Variants in ABL2 observed in about 807,000 individuals in gnomAD.
ABL2 encodes the protein ABL proto-oncogene 2, non-receptor tyrosine kinase.
Under a neutral mutation model 107.7 loss-of-function variants are expected in ABL2, and 49 were observed. That is an observed-to-expected ratio of 0.45 (90% confidence interval 0.36 to 0.58). The LOEUF (loss-of-function observed/expected upper bound fraction) is 0.58. Ranked by LOEUF, ABL2 falls within the 20% of genes least tolerant of loss-of-function variation. The probability of loss-of-function intolerance (pLI) is 0.00; values close to 1 mark genes in which losing one functional copy is unlikely to be tolerated. For synonymous variants in ABL2, 549 were observed against 548.6 expected (o/e 1.00, Z -0.01); for missense variants, 1,245 against 1,457.0 (o/e 0.85, Z 2.37).
At chr1:179,212,122 G>T (rs1277503598) in intron 1 of ABL2, among the ~76,000 whole-genome samples, 1 of 152,130 alleles carries the variant, frequency 6.6e-6, no homozygotes, top group African/African-American at 2.4e-5. Context: ...CCAAGTGAAG[G>T]GGAAAGCCCC....
chr1:179,160,086 C>G (rs1658970758), intron 1 of ABL2, among the ~76,000 whole-genome samples: 1 of 152,090 alleles, frequency 6.6e-6, no homozygotes. Context: ...TGCACGCCAG[C>G]CTGGGTGACA....
chr1:179,110,954 C>G, intron 10 of ABL2: 1 of 1,234,172 alleles, frequency 8.1e-7, no homozygotes, highest in Non-Finnish European at 1.1e-6. Context: ...TGCATGCTTG[C>G]TAAAATTTGA....
At chr1:179,197,755 G>A (rs183397229) in intron 1 of ABL2, among the ~76,000 whole-genome samples, 1 of 151,800 alleles carries the variant, frequency 6.6e-6, no homozygotes, top group African/African-American at 2.4e-5. Flanking sequence ...TGTAGTCCCA[G>A]CTAATCGGGA....
chr1:179,115,840 T>G (rs1366528284), intron 8 of ABL2, among the ~76,000 whole-genome samples: 1 of 152,242 alleles, frequency 6.6e-6, no homozygotes, highest in Admixed American at 6.5e-5. Context: ...TTTGATTTTG[T>G]CTCAGTTATT....
intron 1 of ABL2, among the ~76,000 whole-genome samples, chr1:179,152,110 C>T (rs949656851): frequency 7.9e-5 from 12 of 152,150 alleles, no homozygotes; most frequent in African/African-American, 2.9e-4. Flanking sequence ...ATGTGGAAAC[C>T]TGGGTAGGCT....
At chr1:179,189,395 A>G (rs1230742801) in intron 1 of ABL2, among the ~76,000 whole-genome samples, 2 of 152,108 alleles carry the variant, frequency 1.3e-5, no homozygotes, top group Non-Finnish European at 2.9e-5. Context: ...TGGCTTCCCA[A>G]AGTGCTGGGA....
intron 1 of ABL2, among the ~76,000 whole-genome samples, chr1:179,176,924 G>C (rs1352158635): frequency 6.6e-6 from 1 of 151,992 alleles, no homozygotes; most frequent in East Asian, 1.9e-4. Flanking sequence ...TCGAACTCCT[G>C]ATCTCAGGTG....
rs1653069439 is a variant in ABL2, at chr1:179,101,376, C to CG, written c.*6341_*6342insC. 9.0e-6 allele frequency: 1 copy of CG among 111,340 alleles called. No homozygotes were observed. The highest frequency in any genetic ancestry group is 9.1e-5 in the African/African-American group (1 of 11,026). The allele number at this position is 111,340 out of a possible 1,614,324, so 6.9% of individuals were successfully genotyped here. On this transcript the variant is annotated 3_prime_UTR_variant, in exon 12 of 12. Coordinates refer to ENST00000502732, the MANE Select transcript of ABL2 (RefSeq NM_007314.4). ...GATATTGAGTCAGAAATGAAGGTATCCTTTTTTTTTTTTTTCTTCTTAACG... is the reference window on the plus strand; with the variant it reads ...GATATTGAGTCAGAAATGAAGGTATCGCTTTTTTTTTTTTTTCTTCTTAACG...
At chr1:179,173,172 A>C (rs1370121196) in intron 1 of ABL2, among the ~76,000 whole-genome samples, 2 of 150,238 alleles carry the variant, frequency 1.3e-5, no homozygotes, top group Admixed American at 6.6e-5. Flanking sequence ...CCTGGGCGAC[A>C]AGAGTGAAAC....
At position 179,107,534 on chromosome 1, in the gene ABL2, T is replaced by C; in HGVS notation, c.*184A>G. On this transcript the variant is annotated 3_prime_UTR_variant, in exon 12 of 12. Transcript: ENST00000502732. Reference sequence around the variant, plus strand: ...CCACTTAATTTACCTCTCCTATACTTATGTGGTTTGCTTCTTATTTTTGAG... The same window carrying C: ...CCACTTAATTTACCTCTCCTATACTCATGTGGTTTGCTTCTTATTTTTGAG... 1 of 1,249,458 alleles carries C rather than the reference T, an allele frequency of 8.0e-7. No homozygotes were observed. The highest frequency in any genetic ancestry group is 1.1e-6 in the Non-Finnish European group (1 of 936,010). The allele number at this position is 1,249,458 out of a possible 1,614,324, so 77.4% of individuals were successfully genotyped here.
intron 1 of ABL2, among the ~76,000 whole-genome samples, chr1:179,171,808 G>C (rs1659742103): frequency 6.6e-6 from 1 of 152,186 alleles, no homozygotes; most frequent in African/African-American, 2.4e-5. Flanking sequence ...ACCATGACTA[G>C]CCTGACTTTT....
chr1:179,199,553 T>G (rs1661536432), intron 1 of ABL2, among the ~76,000 whole-genome samples: 1 of 152,202 alleles, frequency 6.6e-6, no homozygotes, highest in African/African-American at 2.4e-5. Flanking sequence ...CATTTTGAGT[T>G]ATTATATGAA....
At position 179,099,787 on chromosome 1, in the gene ABL2, A is replaced by C. The variant is rs1237340327; in HGVS notation, c.*7931T>G. ...GAAATGTTTAAACTTATTTTTACTA[A>C]GCGAGCATAAAACTGGGGTTTGTCC... On this transcript the variant is annotated 3_prime_UTR_variant, in exon 12 of 12. Coordinates refer to ENST00000502732, the MANE Select transcript of ABL2 (RefSeq NM_007314.4). 1 of 231,736 alleles carries C rather than the reference A, an allele frequency of 4.3e-6. No individual in the cohort carries two copies. Among genetic ancestry groups the C allele is most frequent in the Non-Finnish European group, 8.5e-6 (1 of 117,090 alleles). 14.4% of individuals were successfully genotyped at this position (231,736 alleles called of 1,614,324 possible).
intron 1 of ABL2, among the ~76,000 whole-genome samples, chr1:179,224,998 C>A (rs554476135): frequency 5.9e-5 from 9 of 152,280 alleles, no homozygotes; most frequent in African/African-American, 1.4e-4. Context: ...TGCACTCCAG[C>A]CTGGGTGGCA....
At chr1:179,162,467 C>T (rs1035339385) in intron 1 of ABL2, among the ~76,000 whole-genome samples, 4 of 152,174 alleles carry the variant, frequency 2.6e-5, no homozygotes, top group East Asian at 3.9e-4. Context: ...CGTCTGTAAC[C>T]GCAGCTACCT....
chr1:179,203,710 T>A (rs1166683600), intron 1 of ABL2, among the ~76,000 whole-genome samples: 1 of 152,212 alleles, frequency 6.6e-6, no homozygotes, highest in East Asian at 1.9e-4. Context: ...TATACATTAT[T>A]TCATTTAGTA....
Position 179,106,414 on chromosome 1 carries a change from A to G in ABL2, c.*1304T>C, listed in dbSNP as rs1653473633. ...ACTCCTTCAATTATGCATTCTTAAAATAGAAGTGAAATGACAAAATAAATA... is the reference window on the plus strand; with the variant it reads ...ACTCCTTCAATTATGCATTCTTAAAGTAGAAGTGAAATGACAAAATAAATA... On this transcript the variant is annotated 3_prime_UTR_variant, in exon 12 of 12. Transcript: ENST00000502732. 4.3e-6 allele frequency: 1 copy of G among 232,160 alleles called. No homozygotes were observed. Among genetic ancestry groups the G allele is most frequent in the South Asian group, 1.8e-4 (1 of 5,528 alleles). 14.4% of individuals were successfully genotyped at this position (232,160 alleles called of 1,614,324 possible). A position where few individuals can be genotyped will look rare whatever the true frequency, so the allele number is the denominator to read the frequency against.
At chr1:179,188,746 T>C (rs2102815660) in intron 1 of ABL2, among the ~76,000 whole-genome samples, 1 of 152,296 alleles carries the variant, frequency 6.6e-6, no homozygotes, top group Admixed American at 6.5e-5. Flanking sequence ...AACTACCTGG[T>C]AGGTGCTCAG....
In ABL2 at chr1:179,155,132, C is replaced by T. The variant is rs28914500; in HGVS notation, c.158-21758G>A. Among the ~76,000 whole-genome samples the T allele has an allele frequency of 9.9e-3, 1,502 of 152,310 alleles. 19 individuals are homozygous for T. The highest frequency in any genetic ancestry group is 0.016 in the Non-Finnish European group (1,068 of 68,032). ...CCCATGCTCTTTTCACTATACCAGG[C>T]TGCCTCTCTAATGCAATAGAGAGTG... On this transcript the variant is annotated intron_variant, in intron 1 of 11. Coordinates refer to ENST00000502732, the MANE Select transcript of ABL2 (RefSeq NM_007314.4).
Sources: gnomAD v4.1 joint callset for allele counts (sites outside exome capture counted in the v4.1 genomes callset) on GRCh38, gnomAD v4.1.1 for gene constraint, MANE v1.5 for transcripts, NCBI Gene and HGNC (gene_info 2026-07-23, HGNC 2026-07-21) for gene names.